The following RTP1 variants were observed in gnomAD, a reference collection of about 807,000 sequenced individuals.
The protein encoded by RTP1 is receptor transporter protein 1.
In RTP1, 24 loss-of-function variants were observed where a neutral mutation model predicts 27.1. That is an observed-to-expected ratio of 0.89 (90% CI 0.64 to 1.25). RTP1 has a LOEUF of 1.25. RTP1 is among the 50% of genes most tolerant of loss of function. The pLI, the probability that RTP1 is intolerant of heterozygous loss-of-function variation, is 0.00. For synonymous variants in RTP1, 148 were observed against 148.1 expected (o/e 1.00, Z 0.00); for missense variants, 338 against 351.6 (o/e 0.96, Z 0.31).
Position 187,199,827 on chromosome 3 carries a change from C to A in RTP1, c.549C>A (p.Asn183Lys). The A allele has an allele frequency of 6.2e-7, 1 of 1,608,692 alleles. No homozygotes were observed. The highest frequency in any genetic ancestry group is 8.5e-7 in the Non-Finnish European group (1 of 1,175,874). ...TCCACGTGGCCAGCCGCCAGGACAACCGGCGGCACCGCGGAGAGTTCTGCG... is the reference window on the plus strand; with the variant it reads ...TCCACGTGGCCAGCCGCCAGGACAAACGGCGGCACCGCGGAGAGTTCTGCG... ...YRIHVASRQD[N>K]RRHRGEFCEA... Residue 183 changes from asparagine to lysine, a missense_variant, in exon 2 of 2, where the codon AAC (asparagine) becomes AAA (lysine). Physicochemically the swap from Asn to Lys is moderately conservative, Grantham distance 94. Coordinates refer to ENST00000312295, the MANE Select transcript of RTP1 (RefSeq NM_153708.3).
chr3:187,199,505 C>A (rs1345585736), intron 1 of RTP1, 46 bp from the exon 2 acceptor site: 1 of 1,541,442 alleles, frequency 6.5e-7, no homozygotes, highest in South Asian at 1.2e-5. Flanking sequence ...CTGTTTCCAC[C>A]ACCTCCGCCC....
At chr3:187,198,056 C>T (rs778966438) in intron 1 of RTP1, 37 of 454,794 alleles carry the variant, frequency 8.1e-5, no homozygotes, top group Admixed American at 3.9e-4. Flanking sequence ...ATAGAATATA[C>T]GTATGAGTCC....
chr3:187,199,523 A>C, intron 1 of RTP1, 28 bp from the exon 2 acceptor site: 5 of 1,559,240 alleles, frequency 3.2e-6, no homozygotes, highest in Non-Finnish European at 4.4e-6. Flanking sequence ...CCCGTCTTCT[A>C]TTCCTCCCTC....
intron 1 of RTP1, 57 bp from the exon 2 acceptor site, chr3:187,199,494 G>A: frequency 1.3e-6 from 2 of 1,531,202 alleles, no homozygotes; most frequent in Non-Finnish European, 1.8e-6. Context: ...CATTCCTAGG[G>A]CTGTTTCCAC....
chr3:187,199,038 C>T (rs1579441139), intron 1 of RTP1, among the ~76,000 whole-genome samples: 1 of 152,146 alleles, frequency 6.6e-6, no homozygotes, highest in East Asian at 1.9e-4. Context: ...CCTTGGGGAT[C>T]TGGGCACAGA....
In RTP1 at chr3:187,199,624, C is replaced by T. The variant is rs202195227; in HGVS notation, c.346C>T (p.Arg116Cys). ...CATCCTCTTCCACATGTTCCTGGAC[C>T]GCGCCCAGCGGGCGGGCTCGGTGCG... is the stretch of plus-strand genomic sequence containing the variant. ...VVILFHMFLD[R>C]AQRAGSVRMR... The change falls in exon 2 of 2, where the codon CGC becomes TGC. Residue 116 changes from arginine (R) to cysteine (C), a missense_variant. Physicochemically the swap from Arg to Cys is radical, Grantham distance 180 (BLOSUM62 -3). Transcript: ENST00000312295. 1.6e-5 allele frequency: 26 copies of T among 1,608,724 alleles called. No individual in the cohort carries two copies. Among genetic ancestry groups the T allele is most frequent in the East Asian group, 1.6e-4 (7 of 44,692 alleles).
At chr3:187,198,649 G>T (rs566421713) in intron 1 of RTP1, 1 of 152,180 alleles carries the variant, frequency 6.6e-6, no homozygotes, top group Non-Finnish European at 1.5e-5. Flanking sequence ...CACCTGTTAC[G>T]TGCTGGGCGC....
At position 187,199,831 on chromosome 3, in the gene RTP1, C is replaced by A; in HGVS notation, c.553C>A (p.Arg185=). ...IHVASRQDNR[R]HRGEFCEACQ... ...CGTGGCCAGCCGCCAGGACAACCGG[C>A]GGCACCGCGGAGAGTTCTGCGAGGC... Residue 185 remains arginine, a synonymous_variant, in exon 2 of 2, where the codon CGG becomes AGG. Transcript: ENST00000312295. The A allele has an allele frequency of 6.2e-7, 1 of 1,608,244 alleles. No individual in the cohort carries two copies. Among genetic ancestry groups the A allele is most frequent in the Admixed American group, 1.7e-5 (1 of 59,856 alleles).
intron 1 of RTP1, 111 bp from the exon 2 acceptor site, chr3:187,199,440 T>A: frequency 7.9e-7 from 1 of 1,261,000 alleles, no homozygotes; most frequent in Non-Finnish European, 1.1e-6. Flanking sequence ...GCAACACACT[T>A]CCTCCACCTC....
rs954558581 is a variant in RTP1, at chr3:187,199,569, C to G, written c.291C>G (p.Cys97Trp). 1 of 1,593,192 alleles carries G rather than the reference C, an allele frequency of 6.3e-7. No individual in the cohort carries two copies. Among genetic ancestry groups the G allele is most frequent in the Middle Eastern group, 1.7e-4 (1 of 5,986 alleles). ...TCCGCAGGTTCCACTGCTCCTGGTG[C>G]TGGCACACCTGGCAGTCGCCCTACG... ...HASGRFHCSW[C>W]WHTWQSPYVV... Residue 97 changes from cysteine to tryptophan, a missense_variant, in exon 2 of 2, where the codon TGC becomes TGG. Physicochemically the swap from Cys to Trp is radical, Grantham distance 215. This residue lies in a region of RTP1 where 22 missense variants were observed against 45.6 expected (regional missense o/e 0.48). Transcript: ENST00000312295.
chr3:187,198,277 G>A (rs1160346141), intron 1 of RTP1, among the ~76,000 whole-genome samples: 2 of 152,152 alleles, frequency 1.3e-5, no homozygotes, highest in Non-Finnish European at 2.9e-5. Context: ...TGGCTCCATG[G>A]CTGTTGAGGA....
At position 187,200,074 on chromosome 3, in the gene RTP1, T is replaced by A. The variant is rs1721690381; in HGVS notation, c.*4T>A. The A allele has an allele frequency of 6.7e-7, 1 of 1,502,248 alleles. No individual in the cohort carries two copies. The highest frequency in any genetic ancestry group is 1.4e-5 in the African/African-American group (1 of 71,634). 93.1% of individuals were successfully genotyped at this position (1,502,248 alleles called of 1,614,324 possible). On this transcript the variant is annotated 3_prime_UTR_variant, in exon 2 of 2. Coordinates refer to ENST00000312295, the MANE Select transcript of RTP1 (RefSeq NM_153708.3). ...CTCTTTCCGTAGCTCCGTATAAGAT[T>A]CCGTGGTTGGGCCCAGAGCCTGTCG...
At chr3:187,197,883 T>C in intron 1 of RTP1, 96 bp downstream of exon 1, 3 of 1,255,104 alleles carry the variant, frequency 2.4e-6, no homozygotes, top group Non-Finnish European at 2.2e-6. Context: ...AGAACCCAAG[T>C]GTTTAGCTTC....
chr3:187,198,044 A>G (rs1721634512), intron 1 of RTP1: 1 of 491,506 alleles, frequency 2.0e-6, no homozygotes, highest in Non-Finnish European at 3.7e-6. Context: ...GAAAATAAAG[A>G]CATAGAATAT....
chr3:187,199,609 C>T lies in RTP1; in HGVS notation c.331C>T (p.His111Tyr). 1 of 1,606,922 alleles carries T rather than the reference C, an allele frequency of 6.2e-7. No homozygotes were observed. Among genetic ancestry groups the T allele is most frequent in the East Asian group, 2.2e-5 (1 of 44,624 alleles). Residue 111 changes from histidine (H) to tyrosine (Y), a missense_variant, in exon 2 of 2, where the codon CAC becomes TAC. This residue lies in a region of RTP1 where 252 missense variants were observed against 231.5 expected (regional missense o/e 1.09). Transcript: ENST00000312295. ...WQSPYVVILF[H>Y]MFLDRAQRAG... ...GTCGCCCTACGTGGTCATCCTCTTC[C>T]ACATGTTCCTGGACCGCGCCCAGCG...
chr3:187,198,503 TG>T (rs1346459613), intron 1 of RTP1: 1 of 152,258 alleles, frequency 6.6e-6, no homozygotes, highest in Non-Finnish European at 1.5e-5. Context: ...CTCTTGTTCA[TG>T]GGTCCAGAGT....
In RTP1 at chr3:187,201,129, G is replaced by T. The variant is rs1721711451; in HGVS notation, c.*1059G>T. 1 of 152,224 alleles carries T rather than the reference G, an allele frequency of 6.6e-6. No individual in the cohort carries two copies. 9.4% of individuals were successfully genotyped at this position (152,224 alleles called of 1,614,324 possible). Reference sequence around the variant, plus strand: ...GCTGTCCCCCTAAAGCCACAGGGATGGGGTATCTTCAGCAAGAGAGAGGGC... The same window carrying T: ...GCTGTCCCCCTAAAGCCACAGGGATTGGGTATCTTCAGCAAGAGAGAGGGC... On this transcript the variant is annotated 3_prime_UTR_variant, in exon 2 of 2. Transcript: ENST00000312295.
rs761026888 is a variant in RTP1, at chr3:187,199,903, G to T, written c.625G>T (p.Glu209Ter). 1.3e-6 allele frequency: 2 copies of T among 1,593,850 alleles called. No homozygotes were observed. Among genetic ancestry groups the T allele is most frequent in the African/African-American group, 1.3e-5 (1 of 74,666 alleles). The change falls in exon 2 of 2, where the codon GAG becomes TAG. Residue 209 changes from glutamate to a stop codon, truncating the protein, a stop_gained. Transcript: ENST00000312295. LOFTEE classifies it high-confidence loss of function. ...CTGGAAGCCCAGCGAGAAGCTGCTG[G>T]AGGAGGAGGCGACCACCTACACCTT... ...VHWKPSEKLLEEEATTYTFSR... is the reference protein window; with the variant it reads ...VHWKPSEKLL
In RTP1 at chr3:187,199,587, G is replaced by A. The variant is rs201561765; in HGVS notation, c.309G>A (p.Ser103=). 5.6e-5 allele frequency: 89 copies of A among 1,598,318 alleles called. No homozygotes were observed. The highest frequency in any genetic ancestry group is 7.1e-5 in the Non-Finnish European group (83 of 1,167,538). The change falls in exon 2 of 2, where the codon TCG becomes TCA. Residue 103 remains serine, a synonymous_variant. Coordinates refer to ENST00000312295, the MANE Select transcript of RTP1 (RefSeq NM_153708.3). The part of the protein sequence containing the change: ...HCSWCWHTWQ[S]PYVVILFHMF... Reference sequence around the variant, plus strand: ...CCTGGTGCTGGCACACCTGGCAGTCGCCCTACGTGGTCATCCTCTTCCACA... The same window carrying A: ...CCTGGTGCTGGCACACCTGGCAGTCACCCTACGTGGTCATCCTCTTCCACA...
Sources: gnomAD v4.1 joint callset for allele counts (sites outside exome capture counted in the v4.1 genomes callset) on GRCh38, gnomAD v4.1.1 for gene constraint, gnomAD v4.1.1 regional missense constraint, MANE v1.5 for transcripts, NCBI Gene and HGNC (gene_info 2026-07-23, HGNC 2026-07-21) for gene names.